Variants in NR3C2 observed in about 807,000 individuals in gnomAD.
NR3C2 encodes nuclear receptor subfamily 3 group C member 2, also known as mineralocorticoid receptor.
A neutral mutation model predicts 86.4 loss-of-function variants in NR3C2; 15 were observed. The observed-to-expected ratio is 0.17, with a 90% CI of 0.12 to 0.27. NR3C2 has a LOEUF of 0.27. Among genes scored for constraint, NR3C2 ranks in the 10% least tolerant of loss-of-function variants. The pLI, the probability that NR3C2 is intolerant of heterozygous loss-of-function variation, is 1.00. For missense variants in NR3C2, 960 were observed against 1,195.6 expected, an observed-to-expected ratio of 0.80 and a Z score of 2.91; for synonymous variants, 458 against 450.5, an observed-to-expected ratio of 1.02 and a Z score of -0.21.
intron 3 of NR3C2, among the ~76,000 whole-genome samples, chr4:148,201,380 C>T (rs969566833): frequency 5.9e-5 from 9 of 152,278 alleles, no homozygotes; most frequent in Admixed American, 1.3e-4. Context: ...GGCATCTGAC[C>T]TAATAACATT....
rs144638287 is a variant in NR3C2 at position 148,222,753 on chromosome 4, A to C, written c.1898-27891T>G. 5.2e-3 allele frequency among the ~76,000 whole-genome samples: 792 copies of C among 152,342 alleles called. 14 individuals carry two copies. Among genetic ancestry groups the C allele is most frequent in the African/African-American group, 0.018 (749 of 41,590 alleles). On this transcript the variant is annotated intron_variant, in intron 3 of 8. Transcript: ENST00000358102. ...AATGTTTACATTTCAGAGAAGGAGC[A>C]GAGAAGGTAAAAGTTTGCTATTTAT...
intron 2 of NR3C2, among the ~76,000 whole-genome samples, chr4:148,280,152 C>T (rs1241305049): frequency 1.3e-5 from 2 of 152,156 alleles, no homozygotes; most frequent in African/African-American, 4.8e-5. Context: ...AACAAAATTT[C>T]ACTGAGCTCC....
chr4:148,423,228 A>T (rs373554724), intron 2 of NR3C2, among the ~76,000 whole-genome samples: 3 of 16,504 alleles, frequency 1.8e-4, no homozygotes, highest in Admixed American at 2.1e-3. Context: ...TTCCTGAATT[A>T]AAAAAAAAAA....
chr4:148,338,748 T>A (rs941635201), intron 2 of NR3C2, among the ~76,000 whole-genome samples: 4 of 152,148 alleles, frequency 2.6e-5, no homozygotes, highest in African/African-American at 9.7e-5. Context: ...CCAATAATGC[T>A]GAAAGGAATA....
chr4:148,445,059 C>G (rs1468801449), upstream of NR3C2: 6 of 950,884 alleles, frequency 6.3e-6, no homozygotes, highest in African/African-American at 7.1e-5. Context: ...TCCGGCCACC[C>G]GCGGGTGGGA....
At chr4:148,103,846 C>T (rs1462024478) in intron 8 of NR3C2, among the ~76,000 whole-genome samples, 1 of 152,170 alleles carries the variant, frequency 6.6e-6, no homozygotes, top group Non-Finnish European at 1.5e-5. Context: ...AGGCATGTAA[C>T]AGACACCAGT....
intron 2 of NR3C2, among the ~76,000 whole-genome samples, chr4:148,324,353 GTGTGTGTGTGTGTT>G (rs60480321): frequency 0.065 from 6,895 of 106,480 alleles, 471 homozygotes; most frequent in African/African-American, 0.22. Context: ...GTGTGTGTGT[GTGTGTGTGTGTGTT>G]TGTGTGTGTG....
chr4:148,359,543 T>C (rs1411721667), intron 2 of NR3C2, among the ~76,000 whole-genome samples: 1 of 152,166 alleles, frequency 6.6e-6, no homozygotes. Flanking sequence ...ATAAATTTTA[T>C]ATGTGCCAAA....
chr4:148,277,004 A>G (rs1292988402), intron 2 of NR3C2, among the ~76,000 whole-genome samples: 2 of 152,252 alleles, frequency 1.3e-5, no homozygotes, highest in South Asian at 2.1e-4. Context: ...TCAGTAACTT[A>G]GTAACATTTA....
intron 2 of NR3C2, among the ~76,000 whole-genome samples, chr4:148,421,126 C>T (rs568885398): frequency 2.6e-5 from 4 of 152,320 alleles, no homozygotes; most frequent in African/African-American, 9.6e-5. Flanking sequence ...ATATATGACA[C>T]TATACTTATT....
intron 2 of NR3C2, among the ~76,000 whole-genome samples, chr4:148,396,535 C>A (rs966538654): frequency 5.3e-5 from 8 of 152,170 alleles, no homozygotes; most frequent in African/African-American, 1.9e-4. Context: ...TATTTTCCTT[C>A]TATAGTCAAC....
chr4:148,312,105 C>G (rs1176921816), intron 2 of NR3C2, among the ~76,000 whole-genome samples: 2 of 152,122 alleles, frequency 1.3e-5, no homozygotes, highest in Non-Finnish European at 2.9e-5. Context: ...TAGTGGTGTA[C>G]TGGAGGCAGC....
intron 2 of NR3C2, among the ~76,000 whole-genome samples, chr4:148,423,701 T>C (rs1749391543): frequency 6.6e-6 from 1 of 152,116 alleles, no homozygotes; most frequent in South Asian, 2.1e-4. Context: ...AATTTGAAAA[T>C]TGCCTATTAT....
intron 2 of NR3C2, among the ~76,000 whole-genome samples, chr4:148,285,726 A>G (rs1185583551): frequency 6.6e-6 from 1 of 152,020 alleles, no homozygotes; most frequent in East Asian, 1.9e-4. Flanking sequence ...AAAACAAACA[A>G]ACAAAAAAAA....
chr4:148,196,758 G>T (rs1736459847), intron 3 of NR3C2, among the ~76,000 whole-genome samples: 1 of 152,100 alleles, frequency 6.6e-6, no homozygotes, highest in Non-Finnish European at 1.5e-5. Context: ...GTGAAGAAAT[G>T]AAACCCTGCC....
chr4:148,415,134 A>G (rs1560720380), intron 2 of NR3C2, among the ~76,000 whole-genome samples: 1 of 152,198 alleles, frequency 6.6e-6, no homozygotes, highest in Non-Finnish European at 1.5e-5. Flanking sequence ...AAGTGAAAGG[A>G]TCATTATGTA....
chr4:148,223,140 C>T (rs934401158), intron 3 of NR3C2, among the ~76,000 whole-genome samples: 1 of 152,070 alleles, frequency 6.6e-6, no homozygotes. Flanking sequence ...ACTTTCCAAC[C>T]TTACCACCTA....
At chr4:148,317,104 T>A (rs942170410) in intron 2 of NR3C2, among the ~76,000 whole-genome samples, 2 of 152,210 alleles carry the variant, frequency 1.3e-5, no homozygotes, top group African/African-American at 4.8e-5. Flanking sequence ...ACCATCAGTA[T>A]TTTTAATGGA....
chr4:148,415,227 C>T (rs1748933716), intron 2 of NR3C2, among the ~76,000 whole-genome samples: 1 of 152,058 alleles, frequency 6.6e-6, no homozygotes, highest in South Asian at 2.1e-4. Flanking sequence ...CCTGAAAGAA[C>T]CATTCTTACA....
Sources: allele counts gnomAD v4.1 joint callset (sites outside exome capture counted in the v4.1 genomes callset), GRCh38; gene constraint gnomAD v4.1.1; transcripts MANE v1.5; gene names NCBI Gene and HGNC (gene_info 2026-07-23, HGNC 2026-07-21).